Variants in STAT2 observed in about 807,000 individuals in gnomAD.
STAT2 encodes the protein signal transducer and activator of transcription 2.
A neutral mutation model predicts 122.3 loss-of-function variants in STAT2; 51 were observed. The ratio of observed to expected loss-of-function variants is 0.42; its 90% CI spans 0.33 to 0.53. STAT2 has a LOEUF of 0.53. STAT2 is among the 20% of genes least tolerant of loss of function. The pLI is 0.10. For missense variants in STAT2, 736 were observed against 1,010.3 expected (o/e 0.73, Z 3.68); for synonymous variants, 351 against 394.9 (o/e 0.89, Z 1.32).
At chr12:56,349,739 C>G (rs1033806426) in intron 13 of STAT2, 103 bp from the exon 14 acceptor site, 2 of 1,462,238 alleles carry the variant, frequency 1.4e-6, no homozygotes, top group Admixed American at 3.5e-5. Flanking sequence ...GAACTTCCCC[C>G]AACCCCTGTT....
chr12:56,358,990 A>G (rs983868829), intron 1 of STAT2, among the ~76,000 whole-genome samples: 6 of 152,312 alleles, frequency 3.9e-5, no homozygotes, highest in Admixed American at 2.0e-4. Context: ...GCTGGTGTCT[A>G]TTTAGGAAAC....
Position 56,350,823 on chromosome 12 carries a change from A to G in STAT2, c.1094+6T>C, listed in dbSNP as rs1410238925. The G allele has an allele frequency of 1.2e-6, 2 of 1,613,744 alleles. No individual in the cohort carries two copies. Among genetic ancestry groups the G allele is most frequent in the Admixed American group, 1.7e-5 (1 of 59,992 alleles). ...TCCTGGCCACCCTTCACCTGCTCCA[A>G]TTTACCTGTCAATGGAGACTTCCAC... On this transcript the variant is annotated splice_donor_region_variant and intron_variant, in intron 11 of 23. Coordinates refer to ENST00000314128, the MANE Select transcript of STAT2 (RefSeq NM_005419.4).
Position 56,355,875 on chromosome 12 carries a change from C to T in STAT2, c.286-72G>A, listed in dbSNP as rs999942432. On this transcript the variant is annotated intron_variant, in intron 3 of 23. Coordinates refer to ENST00000314128, the MANE Select transcript of STAT2 (RefSeq NM_005419.4). ...ATGACCTATTGCCCTAGACCCTCCC[C>T]ACCAATGTCCACAGTATTTCCTCCT... The T allele has an allele frequency of 1.1e-4, 153 of 1,448,584 alleles. 1 individual carries two copies. Among genetic ancestry groups the T allele is most frequent in the South Asian group, 4.1e-4 (36 of 87,176 alleles). The allele number at this position is 1,448,584 out of a possible 1,614,324, so 89.7% of individuals were successfully genotyped here. A position where few individuals can be genotyped will look rare whatever the true frequency, so the allele number is the denominator to read the frequency against.
chr12:56,354,922 T>A, intron 6 of STAT2, 59 bp from the exon 7 acceptor site: 1 of 1,526,364 alleles, frequency 6.6e-7, no homozygotes, highest in Non-Finnish European at 9.1e-7. Context: ...CTGACTGGGG[T>A]CTCAGTCAGA....
rs1242451305 is a variant in STAT2, at chr12:56,356,117, A to G, written c.285+15T>C. 6.2e-7 allele frequency: 1 copy of G among 1,612,032 alleles called. No homozygotes were observed. Among genetic ancestry groups the G allele is most frequent in the East Asian group, 2.2e-5 (1 of 44,884 alleles). On this transcript the variant is annotated intron_variant, in intron 3 of 23. Transcript: ENST00000314128. ...CTCCCAGTGCTACCCCATCACTCCC[A>G]ACCGTTCCAAGTACCTGAATGTCCC...
intron 22 of STAT2, 28 bp from the exon 23 acceptor site, chr12:56,344,163 C>G (rs2136034322): frequency 6.5e-7 from 1 of 1,538,830 alleles, no homozygotes; most frequent in South Asian, 1.2e-5. Flanking sequence ...GACAAAGGGG[C>G]AGGGCTCAGT....
chr12:56,351,649 T>C (rs1038935605), intron 8 of STAT2, among the ~76,000 whole-genome samples, 199 bp from the exon 9 acceptor site: 4 of 152,138 alleles, frequency 2.6e-5, no homozygotes, highest in Non-Finnish European at 4.4e-5. Context: ...TTTTCACATA[T>C]AAAACTGCTA....
At chr12:56,354,040 T>TATATA (rs1157971570) in intron 8 of STAT2, among the ~76,000 whole-genome samples, 1 of 53,360 alleles carries the variant, frequency 1.9e-5, no homozygotes, top group African/African-American at 5.4e-5. Context: ...TATATATATA[T>TATATA]AAAAAATACT....
In STAT2 at chr12:56,349,064, AG is replaced by A; in HGVS notation, c.1441-6del. On this transcript the variant is annotated splice_polypyrimidine_tract_variant and splice_region_variant and intron_variant, in intron 16 of 23. Transcript: ENST00000314128. ...GTTGGAGAAGAACTGCTGGTTCTGCAGGGGTGGGAGCAGTGTAGGCTGGCTC... is the reference window on the plus strand; with the variant it reads ...GTTGGAGAAGAACTGCTGGTTCTGCAGGGTGGGAGCAGTGTAGGCTGGCTC... The A allele has an allele frequency of 6.2e-7, 1 of 1,613,092 alleles. No homozygotes were observed. Among genetic ancestry groups the A allele is most frequent in the South Asian group, 1.1e-5 (1 of 91,006 alleles).
Position 56,349,191 on chromosome 12 carries a change from C to A in STAT2, c.1412G>T (p.Trp471Leu). 6.2e-7 allele frequency: 1 copy of A among 1,614,144 alleles called. No individual in the cohort carries two copies. Among genetic ancestry groups the A allele is most frequent in the Non-Finnish European group, 8.5e-7 (1 of 1,180,036 alleles). The change falls in exon 16 of 24, where the codon TGG becomes TTG. Residue 471 changes from tryptophan to leucine, a missense_variant. Transcript: ENST00000314128. ...AAGGTTTGGGCTGAGCAAATTGAAC[C>A]AGAGAACTGAAGCCCAGGCAATTGA... is the stretch of plus-strand genomic sequence containing the variant. ...QLSIAWASVL[W>L]FNLLSPNLQN...
In STAT2 at chr12:56,350,232, A is replaced by G. The variant is rs778736919; in HGVS notation, c.1116-42T>C. 3.0e-5 allele frequency: 46 copies of G among 1,508,982 alleles called. No individual in the cohort carries two copies. In the South Asian group the frequency reaches 5.0e-4, roughly 16 times the overall value. The allele number at this position is 1,508,982 out of a possible 1,614,324, so 93.5% of individuals were successfully genotyped here. On this transcript the variant is annotated intron_variant, in intron 12 of 23. Coordinates refer to ENST00000314128, the MANE Select transcript of STAT2 (RefSeq NM_005419.4). Reference sequence around the variant, plus strand: ...ATACATGGAGACAAGGAATGGAATTATTCTAAAAACTCAGCAGAAAAAAAA... The same window carrying G: ...ATACATGGAGACAAGGAATGGAATTGTTCTAAAAACTCAGCAGAAAAAAAA...
At chr12:56,354,725 C>G in intron 7 of STAT2, 53 bp downstream of exon 7, 1 of 1,613,240 alleles carries the variant, frequency 6.2e-7, no homozygotes, top group Non-Finnish European at 8.5e-7. Context: ...GTCCCCACAT[C>G]CCTCATTTTT....
chr12:56,358,665 G>T (rs1164249481), intron 1 of STAT2, among the ~76,000 whole-genome samples: 1 of 152,110 alleles, frequency 6.6e-6, no homozygotes, highest in East Asian at 1.9e-4. Flanking sequence ...CTGTGCAATG[G>T]GTGGCTCAAT....
intron 1 of STAT2, 117 bp from the exon 2 acceptor site, chr12:56,356,695 A>T: frequency 7.3e-7 from 1 of 1,361,684 alleles, no homozygotes; most frequent in Non-Finnish European, 9.7e-7. Context: ...AGTAATAAAA[A>T]TACAGAAAAC....
At chr12:56,354,040 TAAAA>T (rs760881337) in intron 8 of STAT2, among the ~76,000 whole-genome samples, 6 of 53,352 alleles carry the variant, frequency 1.1e-4, no homozygotes, top group Non-Finnish European at 2.5e-4. Flanking sequence ...TATATATATA[TAAAA>T]AATACTGTTA....
In STAT2 at chr12:56,355,491, C is replaced by A; in HGVS notation, c.423G>T (p.Gln141His). The change falls in exon 5 of 24, where the codon CAG becomes CAT. Residue 141 changes from glutamine (Q) to histidine (H), a missense_variant. Gln to His is a conservative substitution (Grantham distance 24). Coordinates refer to ENST00000314128, the MANE Select transcript of STAT2 (RefSeq NM_005419.4). ...GGATCCGGGATTCAATCTCATGTTGCTGGCTCTCCACAGGTGTTTCGAGAA... is the reference window on the plus strand; with the variant it reads ...GGATCCGGGATTCAATCTCATGTTGATGGCTCTCCACAGGTGTTTCGAGAA... ...EPVLETPVES[Q>H]QHEIESRILD... is the part of the protein sequence containing the mutation. 1 of 1,614,212 alleles carries A rather than the reference C, an allele frequency of 6.2e-7. No individual in the cohort carries two copies. Among genetic ancestry groups the A allele is most frequent in the Non-Finnish European group, 8.5e-7 (1 of 1,180,038 alleles).
intron 6 of STAT2, 33 bp downstream of exon 6, chr12:56,355,243 T>C (rs1450485701): frequency 2.5e-6 from 4 of 1,613,496 alleles, no homozygotes; most frequent in Non-Finnish European, 3.4e-6. Flanking sequence ...AGCAGGCACT[T>C]ATCTTTCTCC....
At chr12:56,355,627 T>C (rs993019489) in intron 4 of STAT2, 81 bp downstream of exon 4, 3 of 1,597,060 alleles carry the variant, frequency 1.9e-6, no homozygotes, top group Non-Finnish European at 2.6e-6. Flanking sequence ...GGGGATCCTG[T>C]TCTGAGACAA....
In STAT2 at chr12:56,341,728, C is replaced by T. The variant is rs1876620364; in HGVS notation, c.*1661G>A. On this transcript the variant is annotated 3_prime_UTR_variant, in exon 24 of 24. Transcript: ENST00000314128. ...GGCCTTTCCTTTATATCTCAAGCTA[C>T]ATCAGGAGAACATCTTGGAGCAATG... The T allele has an allele frequency of 6.6e-6, 1 of 152,214 alleles. No homozygotes were observed. Among genetic ancestry groups the T allele is most frequent in the Admixed American group, 6.5e-5 (1 of 15,274 alleles). The allele number at this position is 152,214 out of a possible 1,614,324, so 9.4% of individuals were successfully genotyped here. A position where few individuals can be genotyped will look rare whatever the true frequency, so the allele number is the denominator to read the frequency against.
Sources: gnomAD v4.1 joint callset for allele counts (sites outside exome capture counted in the v4.1 genomes callset) on GRCh38, gnomAD v4.1.1 for gene constraint, MANE v1.5 for transcripts, NCBI Gene and HGNC (gene_info 2026-07-23, HGNC 2026-07-21) for gene names.